PPP6R3: variants seen among roughly 807,000 people sequenced by gnomAD.
PPP6R3 encodes the protein serine/threonine-protein phosphatase 6 regulatory subunit 3.
PPP6R3 carries 38 observed loss-of-function variants against 110.7 expected under a neutral mutation model. That is an observed-to-expected ratio of 0.34 (90% CI 0.26 to 0.45). The LOEUF (loss-of-function observed/expected upper bound fraction) is 0.45. Ranked by LOEUF, PPP6R3 falls within the 20% of genes least tolerant of loss-of-function variation. PPP6R3 has a pLI of 1.00. For synonymous variants in PPP6R3, 369 were observed against 373.5 expected, an observed-to-expected ratio of 0.99 and a Z score of 0.14; for missense variants, 870 against 1,062.4, an observed-to-expected ratio of 0.82 and a Z score of 2.52.
intron 1 of PPP6R3, among the ~76,000 whole-genome samples, chr11:68,482,328 C>G (rs559389610): frequency 2.6e-5 from 4 of 151,020 alleles, no homozygotes; most frequent in Non-Finnish European, 5.9e-5. Flanking sequence ...GCAGGAAAAC[C>G]GCTTGAACCC....
intron 1 of PPP6R3, among the ~76,000 whole-genome samples, chr11:68,487,001 C>T (rs11604885): frequency 0.046 from 6,986 of 152,056 alleles, 199 homozygotes; most frequent in Middle Eastern, 0.12. Flanking sequence ...GCTAGAGTTG[C>T]GCTGATTTTA....
intron 1 of PPP6R3, among the ~76,000 whole-genome samples, chr11:68,477,744 ATATATAT>A (rs2098845362): frequency 8.2e-5 from 4 of 48,958 alleles, no homozygotes; most frequent in South Asian, 7.3e-4. Context: ...AAAAAAAAAT[ATATATAT>A]ATATATATAT....
intron 22 of PPP6R3, chr11:68,609,502 T>A (rs1361775213): frequency 8.0e-7 from 1 of 1,247,464 alleles, no homozygotes; most frequent in Non-Finnish European, 1.1e-6. Flanking sequence ...GAGTCTGCAG[T>A]TTTGCTTACG....
At position 68,614,864 on chromosome 11, in the gene PPP6R3, G is replaced by A; in HGVS notation, c.*1747G>A. On this transcript the variant is annotated 3_prime_UTR_variant, in exon 24 of 24. Coordinates refer to ENST00000393800, the MANE Select transcript of PPP6R3 (RefSeq NM_001164161.2). ...TGACTTGAATGGCGTTGGACCTCGGGGATTACTGGTAGATAATATGCTCTG... is the reference window on the plus strand; with the variant it reads ...TGACTTGAATGGCGTTGGACCTCGGAGATTACTGGTAGATAATATGCTCTG... The A allele has an allele frequency of 3.1e-6, 3 of 979,114 alleles. No homozygotes were observed. Among genetic ancestry groups the A allele is most frequent in the South Asian group, 2.8e-5 (2 of 72,402 alleles). The allele number at this position is 979,114 out of a possible 1,614,324, so 60.7% of individuals were successfully genotyped here.
At chr11:68,571,696 C>T (rs549860429) in intron 12 of PPP6R3, among the ~76,000 whole-genome samples, 5 of 152,166 alleles carry the variant, frequency 3.3e-5, no homozygotes, top group Admixed American at 3.3e-4. Context: ...CTTTATGTCA[C>T]CCCGTAGATT....
intron 1 of PPP6R3, among the ~76,000 whole-genome samples, chr11:68,508,864 CTG>C (rs1273366775): frequency 6.6e-6 from 1 of 151,102 alleles, no homozygotes; most frequent in East Asian, 1.9e-4. Flanking sequence ...GGTTGTATGA[CTG>C]TTGAGAAAAA....
chr11:68,567,234 A>G (rs2099478319), intron 10 of PPP6R3, 68 bp downstream of exon 10: 2 of 1,404,358 alleles, frequency 1.4e-6, no homozygotes, highest in South Asian at 3.2e-5. Flanking sequence ...TAACCAAGTT[A>G]CAACCTTACA....
At chr11:68,487,703 T>A (rs1404762720) in intron 1 of PPP6R3, among the ~76,000 whole-genome samples, 1 of 152,252 alleles carries the variant, frequency 6.6e-6, no homozygotes. Flanking sequence ...TTTTCAGTTA[T>A]CTTTCTGTTA....
chr11:68,612,586 T>C (rs34323742), intron 23 of PPP6R3, among the ~76,000 whole-genome samples: 5 of 151,852 alleles, frequency 3.3e-5, no homozygotes, highest in East Asian at 1.9e-4. Context: ...TTTTTTTTTT[T>C]CCAGTAGTTT....
intron 1 of PPP6R3, among the ~76,000 whole-genome samples, chr11:68,504,330 G>A (rs2099064050): frequency 6.6e-6 from 1 of 152,062 alleles, no homozygotes; most frequent in South Asian, 2.1e-4. Flanking sequence ...GCCACACAAT[G>A]TATATAGAAA....
chr11:68,512,989 G>T (rs1203059662), intron 1 of PPP6R3, among the ~76,000 whole-genome samples: 1 of 152,152 alleles, frequency 6.6e-6, no homozygotes, highest in Non-Finnish European at 1.5e-5. Context: ...ATCAACCAGG[G>T]TCCAGACTCT....
chr11:68,463,973 A>G (rs74724919), intron 1 of PPP6R3, among the ~76,000 whole-genome samples: 1,962 of 152,292 alleles, frequency 0.013, 21 homozygotes, highest in Non-Finnish European at 0.021. Flanking sequence ...CCGCCAGCAA[A>G]AGTATCCAGT....
At chr11:68,512,780 C>T (rs911260488) in intron 1 of PPP6R3, among the ~76,000 whole-genome samples, 14 of 152,158 alleles carry the variant, frequency 9.2e-5, no homozygotes, top group Non-Finnish European at 1.6e-4. Context: ...AGCATCTAAA[C>T]GCACTTGCTT....
chr11:68,551,012 G>A, intron 5 of PPP6R3, 109 bp from the exon 6 acceptor site: 1 of 788,828 alleles, frequency 1.3e-6, no homozygotes, highest in South Asian at 1.8e-5. Context: ...AGAGAAACCT[G>A]TAACATTCTA....
At chr11:68,547,008 A>C (rs182267783) in intron 4 of PPP6R3, among the ~76,000 whole-genome samples, 1 of 152,180 alleles carries the variant, frequency 6.6e-6, no homozygotes, top group Non-Finnish European at 1.5e-5. Context: ...GCTTGACCTC[A>C]TTGTCTAGAG....
chr11:68,508,673 G>T (rs1356248257), intron 1 of PPP6R3, among the ~76,000 whole-genome samples: 1 of 152,208 alleles, frequency 6.6e-6, no homozygotes, highest in Non-Finnish European at 1.5e-5. Flanking sequence ...GTCCAAAGCA[G>T]TCCTCATTCT....
At chr11:68,558,712 A>G (rs758829811) in intron 8 of PPP6R3, 33 bp downstream of exon 8, 7 of 1,496,388 alleles carry the variant, frequency 4.7e-6, no homozygotes, top group Admixed American at 1.8e-5. Context: ...AAAATGAACC[A>G]TGTTGTTTTG....
intron 8 of PPP6R3, among the ~76,000 whole-genome samples, chr11:68,560,680 G>T (rs567623795): frequency 1.3e-4 from 20 of 152,294 alleles, no homozygotes; most frequent in Admixed American, 1.1e-3. Flanking sequence ...CTCATTTTAT[G>T]TAGCCAGCAT....
chr11:68,582,803 G>A (rs765627998), intron 14 of PPP6R3, among the ~76,000 whole-genome samples: 15 of 152,174 alleles, frequency 9.9e-5, no homozygotes, highest in Non-Finnish European at 1.9e-4. Context: ...GTTTTCTGGC[G>A]ATGTCAGTAG....
Sources: allele counts gnomAD v4.1 joint callset (sites outside exome capture counted in the v4.1 genomes callset), GRCh38; gene constraint gnomAD v4.1.1; transcripts MANE v1.5; gene names NCBI Gene and HGNC (gene_info 2026-07-23, HGNC 2026-07-21).